Variants in ARHGAP6 observed in about 807,000 individuals in gnomAD.
ARHGAP6 encodes rho GTPase-activating protein 6.
A neutral mutation model predicts 55.7 loss-of-function variants in ARHGAP6; 16 were observed. The observed-to-expected ratio is 0.29, with a 90% CI of 0.19 to 0.44. The LOEUF is 0.44. Among genes scored for constraint, ARHGAP6 ranks in the 20% least tolerant of loss-of-function variants. The probability of loss-of-function intolerance (pLI) is 1.00; values close to 1 mark genes in which losing one functional copy is unlikely to be tolerated. For synonymous variants in ARHGAP6, 382 were observed against 360.9 expected (o/e 1.06, Z -0.66); for missense variants, 698 against 808.9 (o/e 0.86, Z 1.66).
chrX:11,432,202 A>C (rs1407201461), intron 1 of ARHGAP6, among the ~76,000 whole-genome samples: 1 of 112,552 alleles, frequency 8.9e-6, no homozygotes, highest in Non-Finnish European at 1.9e-5. Context: ...CAGATTCATA[A>C]GTATGTTTTT....
At chrX:11,511,834 A>AT (rs932877845) in intron 1 of ARHGAP6, among the ~76,000 whole-genome samples, 37 of 107,880 alleles carry the variant, frequency 3.4e-4, no homozygotes, top group Middle Eastern at 4.7e-3. Flanking sequence ...CAAAATTATG[A>AT]TTTTTTTTTT....
intron 1 of ARHGAP6, among the ~76,000 whole-genome samples, chrX:11,454,293 T>G (rs748576551): frequency 9.1e-6 from 1 of 109,832 alleles, no homozygotes; most frequent in Non-Finnish European, 1.9e-5. Flanking sequence ...TTTCAAACAT[T>G]AGTGGGTTTG....
intron 1 of ARHGAP6, among the ~76,000 whole-genome samples, chrX:11,532,664 C>G (rs2051063111): frequency 1.1e-5 from 1 of 91,833 alleles, no homozygotes; most frequent in African/African-American, 4.1e-5. Flanking sequence ...AAGACTATTT[C>G]ATGAAAAACC....
At chrX:11,359,926 A>G (rs1196605881) in intron 1 of ARHGAP6, among the ~76,000 whole-genome samples, 2 of 111,830 alleles carry the variant, frequency 1.8e-5, no homozygotes, top group African/African-American at 6.5e-5. Context: ...TAAATTCCTC[A>G]ACACATACAC....
chrX:11,312,935 G>A (rs1359907044), intron 1 of ARHGAP6, among the ~76,000 whole-genome samples: 1 of 111,765 alleles, frequency 8.9e-6, no homozygotes, highest in Non-Finnish European at 1.9e-5. Context: ...CAGCCTTCCA[G>A]ACAACCTAGC....
At chrX:11,485,990 A>G (rs1455639354) in intron 1 of ARHGAP6, among the ~76,000 whole-genome samples, 2 of 112,140 alleles carry the variant, frequency 1.8e-5, no homozygotes, top group African/African-American at 6.5e-5. Context: ...AGCATAAGAA[A>G]CAGAAGCTGA....
At chrX:11,653,439 C>T (rs772427208) in intron 1 of ARHGAP6, among the ~76,000 whole-genome samples, 1 of 112,541 alleles carries the variant, frequency 8.9e-6, no homozygotes, top group Non-Finnish European at 1.9e-5. Flanking sequence ...TTGTCTCATG[C>T]AGCTGGGCTT....
intron 1 of ARHGAP6, among the ~76,000 whole-genome samples, chrX:11,308,889 C>T (rs1156237479): frequency 3.6e-5 from 4 of 112,087 alleles, no homozygotes; most frequent in African/African-American, 9.7e-5. Flanking sequence ...CTATGATTTG[C>T]TCTGAACTTT....
At chrX:11,359,257 G>C (rs895433269) in intron 1 of ARHGAP6, among the ~76,000 whole-genome samples, 2 of 111,950 alleles carry the variant, frequency 1.8e-5, no homozygotes, top group Admixed American at 1.9e-4. Context: ...TCTTATATGA[G>C]ACAAACGGAT....
intron 1 of ARHGAP6, chrX:11,290,363 G>C (rs1364357317): frequency 2.8e-6 from 1 of 354,349 alleles, no homozygotes. Context: ...GAGCTCCCAA[G>C]AAAGTATAAG....
chrX:11,455,389 A>G (rs1401937663), intron 1 of ARHGAP6, among the ~76,000 whole-genome samples: 1 of 112,380 alleles, frequency 8.9e-6, no homozygotes, highest in Admixed American at 9.4e-5. Context: ...TACTGATACT[A>G]GTTCCTACCA....
chrX:11,582,546 A>AT (rs2051677887), intron 1 of ARHGAP6, among the ~76,000 whole-genome samples: 1 of 111,986 alleles, frequency 8.9e-6, no homozygotes, highest in Non-Finnish European at 1.9e-5. Context: ...AATTCCTTGA[A>AT]TGAGTAAAGG....
intron 1 of ARHGAP6, among the ~76,000 whole-genome samples, chrX:11,579,262 A>G (rs1392369909): frequency 9.0e-6 from 1 of 111,488 alleles, no homozygotes; most frequent in African/African-American, 3.3e-5. Flanking sequence ...CATGGGCCCA[A>G]TGAGGAAAAG....
intron 9 of ARHGAP6, among the ~76,000 whole-genome samples, chrX:11,164,398 A>T (rs1286761345): frequency 8.9e-6 from 1 of 112,299 alleles, no homozygotes; most frequent in Non-Finnish European, 1.9e-5. Flanking sequence ...TATATAGAAA[A>T]GGAAATGGAA....
chrX:11,144,035 G>A lies in ARHGAP6; in HGVS notation c.2121C>T (p.Gly707=), dbSNP rs2045655165. Residue 707 remains glycine (G), a synonymous_variant, in exon 11 of 13, where the codon GGC becomes GGT. Transcript: ENST00000337414. ...YRVPGQFMLV[G]HLSSSKSRES... is the part of the protein sequence containing the mutation. ...CCCTTGACTTTGACGACGACAAGTGGCCCACCAGCATAAACTGCCCTGGCA... is the reference window on the plus strand; with the variant it reads ...CCCTTGACTTTGACGACGACAAGTGACCCACCAGCATAAACTGCCCTGGCA... 1 of 1,209,981 alleles carries A rather than the reference G, an allele frequency of 8.3e-7. No individual in the cohort carries two copies. Among genetic ancestry groups the A allele is most frequent in the Non-Finnish European group, 1.1e-6 (1 of 895,234 alleles).
At chrX:11,504,732 G>A (rs930872604) in intron 1 of ARHGAP6, among the ~76,000 whole-genome samples, 1 of 112,130 alleles carries the variant, frequency 8.9e-6, no homozygotes, top group Non-Finnish European at 1.9e-5. Context: ...GAGACACACA[G>A]TTAAAGTCAG....
intron 9 of ARHGAP6, among the ~76,000 whole-genome samples, chrX:11,160,443 C>T (rs949286952): frequency 1.3e-4 from 13 of 99,605 alleles, no homozygotes; most frequent in Non-Finnish European, 2.0e-4. Context: ...GGTGACAGAG[C>T]GAGACTCTGT....
chrX:11,404,113 T>A (rs967232261), intron 1 of ARHGAP6, among the ~76,000 whole-genome samples: 1 of 111,847 alleles, frequency 8.9e-6, no homozygotes, highest in South Asian at 3.8e-4. Context: ...CTCTTTAATT[T>A]CCACCACTTA....
intron 1 of ARHGAP6, among the ~76,000 whole-genome samples, chrX:11,421,416 T>C (rs73184353): frequency 0.033 from 3,719 of 111,698 alleles, 66 homozygotes; most frequent in Middle Eastern, 0.093. Context: ...CCCCTGCCAG[T>C]TATGATAACC....
Sources: gnomAD v4.1 joint callset for allele counts (sites outside exome capture counted in the v4.1 genomes callset) on GRCh38, gnomAD v4.1.1 for gene constraint, MANE v1.5 for transcripts, NCBI Gene and HGNC (gene_info 2026-07-23, HGNC 2026-07-21) for gene names.